LRRC4C: variants seen among roughly 807,000 people sequenced by gnomAD.
LRRC4C encodes leucine rich repeat containing 4C.
A neutral mutation model predicts 33.6 loss-of-function variants in LRRC4C; 5 were observed. The ratio of observed to expected loss-of-function variants is 0.15; its 90% CI spans 0.08 to 0.31. The LOEUF (loss-of-function observed/expected upper bound fraction) is 0.31, where lower values mean the gene tolerates loss of function less well. Ranked by LOEUF, LRRC4C falls within the 10% of genes least tolerant of loss-of-function variation. LRRC4C has a pLI of 1.00. For synonymous variants in LRRC4C, 329 were observed against 302.0 expected (o/e 1.09, Z -0.93); for missense variants, 560 against 796.7 (o/e 0.70, Z 3.58).
intron 3 of LRRC4C, among the ~76,000 whole-genome samples, chr11:40,569,804 A>G (rs1174025652): frequency 2.0e-5 from 3 of 152,136 alleles, no homozygotes; most frequent in African/African-American, 7.2e-5. Context: ...GGAAATCTTT[A>G]AAAATAAAAT....
At chr11:40,502,646 C>T (rs146721604) in intron 3 of LRRC4C, among the ~76,000 whole-genome samples, 243 of 152,232 alleles carry the variant, frequency 1.6e-3, no homozygotes, top group Admixed American at 3.3e-3. Context: ...TCCCACAACA[C>T]GTGAGAATTA....
intron 3 of LRRC4C, among the ~76,000 whole-genome samples, chr11:40,552,183 C>CTGTCT (rs1957150596): frequency 1.3e-5 from 2 of 152,180 alleles, no homozygotes; most frequent in African/African-American, 2.4e-5. Context: ...TCTTTCTATA[C>CTGTCT]ATCCCATTGG....
At chr11:40,701,702 G>A (rs1409911014) in intron 2 of LRRC4C, among the ~76,000 whole-genome samples, 1 of 151,122 alleles carries the variant, frequency 6.6e-6, no homozygotes, top group African/African-American at 2.4e-5. Context: ...CTGGAAATGT[G>A]AAATTAGTGT....
intron 1 of LRRC4C, among the ~76,000 whole-genome samples, chr11:41,418,008 A>AC (rs200117240): frequency 0.013 from 1,915 of 151,308 alleles, 37 homozygotes; most frequent in African/African-American, 0.043. Context: ...ACACACATAG[A>AC]CCCCCCCACA....
chr11:40,531,583 C>T (rs1376518174), intron 3 of LRRC4C, among the ~76,000 whole-genome samples: 1 of 152,038 alleles, frequency 6.6e-6, no homozygotes, highest in Non-Finnish European at 1.5e-5. Context: ...TTTCTCAGGC[C>T]AGCTTCACTC....
At chr11:41,305,954 A>T (rs1174437302) in intron 1 of LRRC4C, among the ~76,000 whole-genome samples, 1 of 150,332 alleles carries the variant, frequency 6.7e-6, no homozygotes, top group Non-Finnish European at 1.5e-5. Flanking sequence ...TACTAAGGGA[A>T]CTCAGAGGCT....
chr11:40,685,487 A>G (rs4755560), intron 2 of LRRC4C, among the ~76,000 whole-genome samples: 97,764 of 151,666 alleles, frequency 0.64, 31,692 homozygotes, highest in East Asian at 0.71. Context: ...TCTAAAGAGA[A>G]TATTTATAGA....
At chr11:40,268,015 T>C (rs1203242806) in intron 4 of LRRC4C, among the ~76,000 whole-genome samples, 1 of 152,174 alleles carries the variant, frequency 6.6e-6, no homozygotes, top group Non-Finnish European at 1.5e-5. Context: ...AGCAAGTCAA[T>C]GGGTGGAAGG....
intron 1 of LRRC4C, among the ~76,000 whole-genome samples, chr11:41,178,143 A>T (rs958451421): frequency 6.6e-6 from 1 of 152,284 alleles, no homozygotes; most frequent in South Asian, 2.1e-4. Flanking sequence ...GAACGAGAAC[A>T]TTGTCTAGAT....
chr11:40,289,780 G>T (rs1302771295), intron 4 of LRRC4C, among the ~76,000 whole-genome samples: 1 of 152,200 alleles, frequency 6.6e-6, no homozygotes, highest in Non-Finnish European at 1.5e-5. Flanking sequence ...TGATTTGCCA[G>T]TATGAAAGAT....
intron 2 of LRRC4C, among the ~76,000 whole-genome samples, chr11:40,808,596 C>T (rs4310595): frequency 0.051 from 7,786 of 152,204 alleles, 230 homozygotes; most frequent in South Asian, 0.069. Flanking sequence ...CACAACGGAG[C>T]ACAGCTGGAA....
chr11:40,406,177 T>G (rs893627270), intron 3 of LRRC4C, among the ~76,000 whole-genome samples: 13 of 152,134 alleles, frequency 8.5e-5, no homozygotes, highest in African/African-American at 2.9e-4. Flanking sequence ...ACCAGACCTT[T>G]AAAGTGAATA....
rs57472076 is a variant in LRRC4C at position 40,371,307 on chromosome 11, T to C, written c.-269-51586A>G. Among the ~76,000 whole-genome samples the C allele has an allele frequency of 1.8e-3, 280 of 152,254 alleles. 1 individual carries two copies. The highest frequency in any genetic ancestry group is 6.5e-3 in the African/African-American group (270 of 41,546). ...CAAGTTTTTCCAGCTGGGTATAATA[T>C]ATGCTTTTGACATGTCTCCTCTGCA... On this transcript the variant is annotated intron_variant, in intron 3 of 6. Coordinates refer to ENST00000528697, the MANE Select transcript of LRRC4C (RefSeq NM_001258419.2).
At chr11:40,807,371 T>A (rs1190089563) in intron 2 of LRRC4C, among the ~76,000 whole-genome samples, 1 of 152,150 alleles carries the variant, frequency 6.6e-6, no homozygotes, top group East Asian at 1.9e-4. Context: ...TAATAGTAGG[T>A]CTAACCATGA....
chr11:40,319,755 A>T (rs1945748149), intron 3 of LRRC4C, 34 bp from the exon 4 acceptor site: 2 of 152,132 alleles, frequency 1.3e-5, no homozygotes, highest in Admixed American at 1.3e-4. Flanking sequence ...CATATTTTAA[A>T]ATCATGCTAT....
chr11:40,374,140 G>A (rs1045219961), intron 3 of LRRC4C, among the ~76,000 whole-genome samples: 5 of 152,110 alleles, frequency 3.3e-5, no homozygotes, highest in Non-Finnish European at 7.3e-5. Flanking sequence ...ATTACTGGGG[G>A]AAACGAAAAT....
chr11:40,697,929 A>G (rs1394304085), intron 2 of LRRC4C, among the ~76,000 whole-genome samples: 1 of 151,866 alleles, frequency 6.6e-6, no homozygotes, highest in Non-Finnish European at 1.5e-5. Flanking sequence ...TTAGCCAGGC[A>G]TGGTGGCGGG....
intron 3 of LRRC4C, among the ~76,000 whole-genome samples, chr11:40,324,166 T>C (rs1945986131): frequency 1.3e-5 from 2 of 152,216 alleles, no homozygotes; most frequent in African/African-American, 4.8e-5. Flanking sequence ...CACAAATTAA[T>C]GAGCTGTCTC....
intron 4 of LRRC4C, among the ~76,000 whole-genome samples, chr11:40,311,801 T>G (rs1945321208): frequency 6.6e-6 from 1 of 151,828 alleles, no homozygotes; most frequent in South Asian, 2.1e-4. Context: ...AAAAATTAGC[T>G]GGGTGTGGTA....
Sources: gnomAD v4.1 joint callset for allele counts (sites outside exome capture counted in the v4.1 genomes callset) on GRCh38, gnomAD v4.1.1 for gene constraint, MANE v1.5 for transcripts, NCBI Gene and HGNC (gene_info 2026-07-23, HGNC 2026-07-21) for gene names.